MAIP1: variants seen among roughly 807,000 people sequenced by gnomAD.
The protein encoded by MAIP1 is matrix AAA peptidase interacting protein 1.
Under a neutral mutation model 31.2 loss-of-function variants are expected in MAIP1, and 28 were observed. The observed-to-expected ratio is 0.90, with a 90% confidence interval of 0.67 to 1.23. MAIP1 has a LOEUF of 1.23. Among genes scored for constraint, MAIP1 ranks in the 50% most tolerant of loss-of-function variants. MAIP1 has a pLI of 0.00. For synonymous variants in MAIP1, 142 were observed against 142.3 expected (o/e 1.00, Z 0.02); for missense variants, 339 against 356.0 (o/e 0.95, Z 0.38).
In MAIP1 at chr2:199,955,920, A is replaced by G; in HGVS notation, c.122A>G (p.Tyr41Cys). The change falls in exon 1 of 5, where the codon TAC becomes TGC. Residue 41 changes from tyrosine to cysteine, a missense_variant. Coordinates refer to ENST00000392290, the MANE Select transcript of MAIP1 (RefSeq NM_001394955.1). ...AGGCTGCCGTCGGCCACACTTTGCT[A>G]CTTCTGCCGCTGTCGCCTCGGCTTG... ...EVRLPSATLC[Y>C]FCRCRLGLGA... is the part of the protein sequence containing the mutation. 6.3e-7 allele frequency: 1 copy of G among 1,596,188 alleles called. No homozygotes were observed. Among genetic ancestry groups the G allele is most frequent in the Non-Finnish European group, 8.5e-7 (1 of 1,169,848 alleles).
At position 199,961,808 on chromosome 2, in the gene MAIP1, G is replaced by A; in HGVS notation, c.677G>A (p.Cys226Tyr). ...KGRKFVNILM[C>Y]FWYLTSANIP... Reference sequence around the variant, plus strand: ...AGGAAGTTTGTTAACATCCTGATGTGCTTTTGGTATCTAACCAGTGCCAAC... The same window carrying A: ...AGGAAGTTTGTTAACATCCTGATGTACTTTTGGTATCTAACCAGTGCCAAC... Residue 226 changes from cysteine (C) to tyrosine (Y), a missense_variant, in exon 4 of 5, where the codon TGC (cysteine) becomes TAC (tyrosine). By Grantham distance (194) the Cys-to-Tyr change is radical. Transcript: ENST00000392290. The A allele has an allele frequency of 6.2e-7, 1 of 1,613,710 alleles. No individual in the cohort carries two copies. Among genetic ancestry groups the A allele is most frequent in the Non-Finnish European group, 8.5e-7 (1 of 1,179,852 alleles).
At chr2:199,963,660 T>C in intron 4 of MAIP1, 73 bp from the exon 5 acceptor site, 1 of 893,548 alleles carries the variant, frequency 1.1e-6, no homozygotes, top group Admixed American at 2.2e-5. Flanking sequence ...AATATACACT[T>C]GCAAATTACA....
chr2:199,963,697 A>G, intron 4 of MAIP1, 36 bp from the exon 5 acceptor site: 1 of 1,283,700 alleles, frequency 7.8e-7, no homozygotes, highest in Non-Finnish European at 1.1e-6. Context: ...ACTTGGACTG[A>G]TGTAAGATTT....
In MAIP1 at chr2:199,955,682, C is replaced by T. The variant is rs1391386292; in HGVS notation, c.-117C>T. 3.4e-6 allele frequency: 4 copies of T among 1,173,856 alleles called. No homozygotes were observed. The highest frequency in any genetic ancestry group is 4.7e-6 in the Non-Finnish European group (4 of 849,804). The allele number at this position is 1,173,856 out of a possible 1,614,324, so 72.7% of individuals were successfully genotyped here. On this transcript the variant is annotated 5_prime_UTR_variant, in exon 1 of 5. Coordinates refer to ENST00000392290, the MANE Select transcript of MAIP1 (RefSeq NM_001394955.1). Reference sequence around the variant, plus strand: ...GGGGACGGGGCCGACTCACCAGAGGCTGCAGCAACAGGTCCACTTTGCTCT... The same window carrying T: ...GGGGACGGGGCCGACTCACCAGAGGTTGCAGCAACAGGTCCACTTTGCTCT...
Position 199,955,747 on chromosome 2 carries a change from C to G in MAIP1, c.-52C>G. ...CGACACCGCTGAGGCGGTTTCCCAC[C>G]GACTTCCTTTCCATACAGCACCGGC... On this transcript the variant is annotated 5_prime_UTR_variant, in exon 1 of 5. Coordinates refer to ENST00000392290, the MANE Select transcript of MAIP1 (RefSeq NM_001394955.1). The G allele has an allele frequency of 6.7e-7, 1 of 1,483,044 alleles. No individual in the cohort carries two copies. Among genetic ancestry groups the G allele is most frequent in the East Asian group, 2.3e-5 (1 of 43,756 alleles). 91.9% of individuals were successfully genotyped at this position (1,483,044 alleles called of 1,614,324 possible). A position where few individuals can be genotyped will look rare whatever the true frequency, so the allele number is the denominator to read the frequency against.
chr2:199,955,732 G>A lies in MAIP1; in HGVS notation c.-67G>A. The A allele has an allele frequency of 7.0e-7, 1 of 1,437,852 alleles. No individual in the cohort carries two copies. Among genetic ancestry groups the A allele is most frequent in the Non-Finnish European group, 9.3e-7 (1 of 1,071,568 alleles). 89.1% of individuals were successfully genotyped at this position (1,437,852 alleles called of 1,614,324 possible). A position where few individuals can be genotyped will look rare whatever the true frequency, so the allele number is the denominator to read the frequency against. On this transcript the variant is annotated 5_prime_UTR_variant, in exon 1 of 5. Coordinates refer to ENST00000392290, the MANE Select transcript of MAIP1 (RefSeq NM_001394955.1). ...TCCAGTCTCTTTCTCCGACACCGCT[G>A]AGGCGGTTTCCCACCGACTTCCTTT... is the stretch of plus-strand genomic sequence containing the variant.
chr2:199,961,736 T>G (rs1010328005), intron 3 of MAIP1, 45 bp from the exon 4 acceptor site: 1 of 1,533,658 alleles, frequency 6.5e-7, no homozygotes, highest in South Asian at 1.2e-5. Context: ...GATGATAGAT[T>G]ATTTTGATTT....
intron 1 of MAIP1, among the ~76,000 whole-genome samples, chr2:199,959,039 G>A (rs147216306): frequency 1.3e-5 from 2 of 152,244 alleles, no homozygotes; most frequent in East Asian, 1.9e-4. Context: ...ATCATTTCCC[G>A]GTCCTGAGAG....
chr2:199,960,731 A>G (rs1319537360), intron 3 of MAIP1, among the ~76,000 whole-genome samples: 1 of 152,178 alleles, frequency 6.6e-6, no homozygotes, highest in Non-Finnish European at 1.5e-5. Context: ...GGATTTTGGT[A>G]TCCACAGGGG....
In MAIP1 at chr2:199,956,019, C is replaced by T. The variant is rs764274752; in HGVS notation, c.221C>T (p.Pro74Leu). ...SALPAQGSRWPVLSSPGLPAA... is the reference protein window; with the variant it reads ...SALPAQGSRWLVLSSPGLPAA... ...CTACCTGCCCAGGGCTCCCGGTGGC[C>T]AGTGCTCAGCAGCCCGGGACTCCCC... Residue 74 changes from proline to leucine, a missense_variant, in exon 1 of 5, where the codon CCA becomes CTA. Pro to Leu is a moderately conservative substitution (Grantham distance 98). Transcript: ENST00000392290. The T allele has an allele frequency of 3.7e-6, 6 of 1,609,546 alleles. No individual in the cohort carries two copies. The East Asian group carries it at 1.1e-4, about 30-fold the overall frequency.
chr2:199,961,429 A>C (rs368365970), intron 3 of MAIP1, among the ~76,000 whole-genome samples: 6 of 152,126 alleles, frequency 3.9e-5, no homozygotes, highest in African/African-American at 1.4e-4. Context: ...GCGCCACTGC[A>C]CCCCAGCCCG....
chr2:199,955,829 T>C lies in MAIP1; in HGVS notation c.31T>C (p.Phe11Leu). 3 of 1,520,644 alleles carry C rather than the reference T, an allele frequency of 2.0e-6. No individual in the cohort carries two copies. Among genetic ancestry groups the C allele is most frequent in the Admixed American group, 2.3e-5 (1 of 44,368 alleles). 94.2% of individuals were successfully genotyped at this position (1,520,644 alleles called of 1,614,324 possible). A position where few individuals can be genotyped will look rare whatever the true frequency, so the allele number is the denominator to read the frequency against. The change falls in exon 1 of 5, where the codon TTC (phenylalanine) becomes CTC (leucine). Residue 11 changes from phenylalanine to leucine, a missense_variant. By Grantham distance (22) the Phe-to-Leu change is conservative. Coordinates refer to ENST00000392290, the MANE Select transcript of MAIP1 (RefSeq NM_001394955.1). ...GCTGGCCGCTCGTTTGCTACCCCAGTTCCTGCACTCTCGGTCGCTGCCCTG... is the reference window on the plus strand; with the variant it reads ...GCTGGCCGCTCGTTTGCTACCCCAGCTCCTGCACTCTCGGTCGCTGCCCTG... MALAARLLPQ[F>L]LHSRSLPCGA...
chr2:199,962,016 A>G, intron 4 of MAIP1, 88 bp downstream of exon 4: 1 of 1,203,670 alleles, frequency 8.3e-7, no homozygotes, highest in Non-Finnish European at 1.2e-6. Context: ...TTTAGGAAGA[A>G]AAGAATTGAA....
chr2:199,957,466 T>G (rs2077614069), intron 1 of MAIP1, among the ~76,000 whole-genome samples: 1 of 152,210 alleles, frequency 6.6e-6, no homozygotes, highest in African/African-American at 2.4e-5. Flanking sequence ...TCCATATGCC[T>G]TAAAACCATG....
Position 199,955,699 on chromosome 2 carries a change from C to G in MAIP1, c.-100C>G, listed in dbSNP as rs2077595490. 1.6e-6 allele frequency: 2 copies of G among 1,263,078 alleles called. No individual in the cohort carries two copies. Among genetic ancestry groups the G allele is most frequent in the Non-Finnish European group, 2.2e-6 (2 of 923,430 alleles). 78.2% of individuals were successfully genotyped at this position (1,263,078 alleles called of 1,614,324 possible). A position where few individuals can be genotyped will look rare whatever the true frequency, so the allele number is the denominator to read the frequency against. On this transcript the variant is annotated 5_prime_UTR_variant, in exon 1 of 5. Transcript: ENST00000392290. ...ACCAGAGGCTGCAGCAACAGGTCCA[C>G]TTTGCTCTCCAGTCTCTTTCTCCGA...
intron 3 of MAIP1, among the ~76,000 whole-genome samples, chr2:199,960,779 A>G (rs1415906927): frequency 6.6e-6 from 1 of 151,952 alleles, no homozygotes; most frequent in Admixed American, 6.6e-5. Flanking sequence ...TTGAGGGATG[A>G]CTCTATTTGC....
chr2:199,960,616 A>C (rs1310532546), intron 3 of MAIP1, among the ~76,000 whole-genome samples: 2 of 152,122 alleles, frequency 1.3e-5, no homozygotes, highest in Non-Finnish European at 2.9e-5. Context: ...TAGCATTTAC[A>C]TTGTGTTAGG....
Position 199,955,648 on chromosome 2 carries a change from C to A in MAIP1, c.-151C>A. 1 of 1,127,836 alleles carries A rather than the reference C, an allele frequency of 8.9e-7. No homozygotes were observed. The allele number at this position is 1,127,836 out of a possible 1,614,324, so 69.9% of individuals were successfully genotyped here. A position where few individuals can be genotyped will look rare whatever the true frequency, so the allele number is the denominator to read the frequency against. On this transcript the variant is annotated 5_prime_UTR_variant, in exon 1 of 5. In the 5' UTR this introduces an upstream ATG that the reference lacks. Coordinates refer to ENST00000392290, the MANE Select transcript of MAIP1 (RefSeq NM_001394955.1). Reference sequence around the variant, plus strand: ...GAAGGGCCTCGGCCTGGGCTGCGTGCTGGAGAGCGGGGACGGGGCCGACTC... The same window carrying A: ...GAAGGGCCTCGGCCTGGGCTGCGTGATGGAGAGCGGGGACGGGGCCGACTC...
chr2:199,962,067 A>T, intron 4 of MAIP1, 139 bp downstream of exon 4: 1 of 728,338 alleles, frequency 1.4e-6, no homozygotes. Context: ...TCAGAAAGAC[A>T]CACTGGATAT....
Sources: gnomAD v4.1 joint callset for allele counts (sites outside exome capture counted in the v4.1 genomes callset) on GRCh38, gnomAD v4.1.1 for gene constraint, MANE v1.5 for transcripts, NCBI Gene and HGNC (gene_info 2026-07-23, HGNC 2026-07-21) for gene names.